RBFOX3: variants seen among roughly 807,000 people sequenced by gnomAD.
RBFOX3 encodes RNA binding protein fox-1 homolog 3.
In RBFOX3, 17 loss-of-function variants were observed where a neutral mutation model predicts 48.7. The ratio of observed to expected loss-of-function variants is 0.35; its 90% confidence interval spans 0.24 to 0.52. The LOEUF is 0.52. RBFOX3 is among the 20% of genes least tolerant of loss of function. The probability of loss-of-function intolerance (pLI) is 0.94; values close to 1 mark genes in which losing one functional copy is unlikely to be tolerated. For synonymous variants in RBFOX3, 212 were observed against 209.5 expected (o/e 1.01, Z -0.10); for missense variants, 382 against 497.5 (o/e 0.77, Z 2.21).
At chr17:79,134,018 G>A (rs1480276244) in intron 4 of RBFOX3, among the ~76,000 whole-genome samples, 2 of 152,186 alleles carry the variant, frequency 1.3e-5, no homozygotes. Context: ...TTAGCAAATG[G>A]AACAGGATAT....
At chr17:79,306,229 A>G (rs767990728) in intron 3 of RBFOX3, among the ~76,000 whole-genome samples, 1 of 152,206 alleles carries the variant, frequency 6.6e-6, no homozygotes, top group Non-Finnish European at 1.5e-5. Flanking sequence ...GAGCCCTGCT[A>G]AGAGCACCCA....
chr17:79,446,506 G>A (rs933783549), intron 2 of RBFOX3, among the ~76,000 whole-genome samples: 3 of 152,116 alleles, frequency 2.0e-5, no homozygotes, highest in Non-Finnish European at 4.4e-5. Context: ...CCAAGCAAAC[G>A]GGATGGAAGC....
At chr17:79,533,979 T>TA (rs2088272900) in intron 1 of RBFOX3, among the ~76,000 whole-genome samples, 1 of 152,238 alleles carries the variant, frequency 6.6e-6, no homozygotes, top group South Asian at 2.1e-4. Flanking sequence ...ATTTTGTAAC[T>TA]TTTTTCCATT....
intron 2 of RBFOX3, among the ~76,000 whole-genome samples, chr17:79,388,019 T>C (rs1286937657): frequency 6.6e-6 from 1 of 151,696 alleles, no homozygotes; most frequent in East Asian, 2.0e-4. Flanking sequence ...TGTGTGTGCA[T>C]GCAAGTGGAT....
intron 1 of RBFOX3, among the ~76,000 whole-genome samples, chr17:79,583,186 C>T (rs888992298): frequency 2.0e-4 from 31 of 152,330 alleles, no homozygotes; most frequent in African/African-American, 7.2e-4. Flanking sequence ...TTCATCGACA[C>T]ATGACCCTGG....
At chr17:79,397,605 T>C (rs1251346383) in intron 2 of RBFOX3, among the ~76,000 whole-genome samples, 1 of 151,852 alleles carries the variant, frequency 6.6e-6, no homozygotes, top group Non-Finnish European at 1.5e-5. Flanking sequence ...GATTTAAGCT[T>C]CGGGCCAGGT....
chr17:79,620,593 ACGCACGCACG>A, the RBFOX3 span, among the ~76,000 whole-genome samples: 2 of 134,256 alleles, frequency 1.5e-5, no homozygotes, highest in African/African-American at 5.5e-5. Flanking sequence ...ACGCACACAC[ACGCACGCACG>A]CACACATGCA....
chr17:79,258,188 C>T (rs72846853), intron 3 of RBFOX3, among the ~76,000 whole-genome samples: 19,970 of 152,150 alleles, frequency 0.13, 1,541 homozygotes, highest in East Asian at 0.29. Context: ...GTTGGTCCTC[C>T]GCGGTGAATA....
intron 1 of RBFOX3, among the ~76,000 whole-genome samples, chr17:79,484,956 T>C (rs757854471): frequency 6.6e-6 from 1 of 152,188 alleles, no homozygotes; most frequent in African/African-American, 2.4e-5. Context: ...GATAATAGGA[T>C]ACACTTCTGG....
Position 79,602,430 on chromosome 17 carries a change from C to T in RBFOX3, c.-320+8396G>A, listed in dbSNP as rs1015909552. The stretch of plus-strand genomic sequence containing the variant: ...GAATAATGTACCCTTGGATAGCACC[C>T]CTGCGAGGAACACAACCAACCACTG... On this transcript the variant is annotated intron_variant, in intron 1 of 14. Coordinates refer to ENST00000693108, the MANE Select transcript of RBFOX3 (RefSeq NM_001350451.2). Among the ~76,000 whole-genome samples the T allele has an allele frequency of 5.8e-4, 88 of 152,318 alleles. No homozygotes were observed. The East Asian group carries it at 8.3e-3, about 14-fold the overall frequency.
chr17:79,469,719 G>A (rs1183140425), intron 2 of RBFOX3, among the ~76,000 whole-genome samples: 1 of 152,156 alleles, frequency 6.6e-6, no homozygotes, highest in Non-Finnish European at 1.5e-5. Flanking sequence ...GGTGATCTGA[G>A]CTAAGAGAGG....
At chr17:79,580,037 G>A (rs989965334) in intron 1 of RBFOX3, among the ~76,000 whole-genome samples, 11 of 152,062 alleles carry the variant, frequency 7.2e-5, no homozygotes, top group South Asian at 2.1e-4. Context: ...GTGCCACAGC[G>A]ACTGCACTCA....
At chr17:79,125,018 C>T (rs911301369) in intron 4 of RBFOX3, among the ~76,000 whole-genome samples, 6 of 152,200 alleles carry the variant, frequency 3.9e-5, no homozygotes, top group Admixed American at 6.5e-5. Context: ...GCTCTGTCGT[C>T]GCCAGTTCTG....
intron 1 of RBFOX3, among the ~76,000 whole-genome samples, chr17:79,544,297 A>G (rs538399730): frequency 8.5e-5 from 13 of 152,150 alleles, no homozygotes; most frequent in Non-Finnish European, 1.9e-4. Context: ...TCAGCCCCCA[A>G]GGATGCCATG....
intron 10 of RBFOX3, 93 bp downstream of exon 10, chr17:79,097,599 C>T: frequency 7.3e-7 from 1 of 1,377,294 alleles, no homozygotes. Flanking sequence ...GCCCACCTGG[C>T]CCCGCCCCTC....
At chr17:79,435,859 T>G (rs922374131) in intron 2 of RBFOX3, among the ~76,000 whole-genome samples, 1 of 152,204 alleles carries the variant, frequency 6.6e-6, no homozygotes, top group South Asian at 2.1e-4. Context: ...CCTCCCACAC[T>G]CCAGCTCTGT....
At chr17:79,425,881 G>A (rs1001740063) in intron 2 of RBFOX3, among the ~76,000 whole-genome samples, 1 of 152,178 alleles carries the variant, frequency 6.6e-6, no homozygotes, top group Non-Finnish European at 1.5e-5. Context: ...CCCCTTCCAG[G>A]GATCTTGCTG....
rs375279032 is a variant in RBFOX3 at position 79,315,942 on chromosome 17, G to A, written c.-174-8118C>T. On this transcript the variant is annotated intron_variant, in intron 2 of 14. Coordinates refer to ENST00000693108, the MANE Select transcript of RBFOX3 (RefSeq NM_001350451.2). ...GATTGGATTGGAAACAATTCACTCC[G>A]CAAGGGGTGGGTCCGCCAGCAGCTC... 1.3e-4 allele frequency among the ~76,000 whole-genome samples: 20 copies of A among 152,238 alleles called. No individual in the cohort carries two copies. In the East Asian group the frequency reaches 1.4e-3, roughly 10 times the overall value.
At position 79,227,663 on chromosome 17, in the gene RBFOX3, G is replaced by A. The variant is rs551994711; in HGVS notation, c.-34+8103C>T. 1.1e-3 allele frequency among the ~76,000 whole-genome samples: 160 copies of A among 152,340 alleles called. 1 individual carries two copies. In the South Asian group the frequency reaches 0.016, roughly 15 times the overall value. The stretch of plus-strand genomic sequence containing the variant: ...TCCATGGCTTATAACTGGAGCACAT[G>A]TGATGGCCAAGAGGCAAAAAGCAAA... On this transcript the variant is annotated intron_variant, in intron 4 of 14. Coordinates refer to ENST00000693108, the MANE Select transcript of RBFOX3 (RefSeq NM_001350451.2).
Sources: allele counts gnomAD v4.1 joint callset (sites outside exome capture counted in the v4.1 genomes callset), GRCh38; gene constraint gnomAD v4.1.1; transcripts MANE v1.5; gene names NCBI Gene and HGNC (gene_info 2026-07-23, HGNC 2026-07-21).